The following PRG4 variants were observed in gnomAD, a reference collection of about 807,000 sequenced individuals.
PRG4 encodes articular superficial zone protein.
Under a neutral mutation model 91.2 loss-of-function variants are expected in PRG4, and 61 were observed. That is an observed-to-expected ratio of 0.67 (90% CI 0.54 to 0.83). The LOEUF (loss-of-function observed/expected upper bound fraction) is 0.83, where lower values mean the gene tolerates loss of function less well. Ranked by LOEUF, PRG4 falls within the 40% of genes least tolerant of loss-of-function variation. The pLI, the probability that PRG4 is intolerant of heterozygous loss-of-function variation, is 0.00. For synonymous variants in PRG4, 576 were observed against 614.2 expected, an observed-to-expected ratio of 0.94 and a Z score of 0.92; for missense variants, 1,564 against 1,714.2, an observed-to-expected ratio of 0.91 and a Z score of 1.55.
At chr1:186,299,842 G>A (rs1445305066) in intron 2 of PRG4, among the ~76,000 whole-genome samples, 1 of 152,044 alleles carries the variant, frequency 6.6e-6, no homozygotes, top group African/African-American at 2.4e-5. Context: ...CCCTCTTTAG[G>A]CAAAGCCATT....
In PRG4 at chr1:186,312,866, C is replaced by A; in HGVS notation, c.4089C>A (p.Asp1363Glu). 1 of 1,612,428 alleles carries A rather than the reference C, an allele frequency of 6.2e-7. No homozygotes were observed. Among genetic ancestry groups the A allele is most frequent in the South Asian group, 1.1e-5 (1 of 91,046 alleles). ...AISLPNIRKP[D>E]GYDYYAFSKD... ...CACTGCCCAACATCAGAAAACCTGA[C>A]GGCTATGATTACTATGCCTTTTCTA... is the stretch of plus-strand genomic sequence containing the variant. Residue 1363 changes from aspartate to glutamate, a missense_variant, in exon 12 of 13, where the codon GAC (aspartate) becomes GAA (glutamate). Around this residue, in one of 3 missense-constraint regions of PRG4, gnomAD observed 1,079 missense variants for 1,162.2 expected, o/e 0.93. Transcript: ENST00000445192.
intron 11 of PRG4, 142 bp from the exon 12 acceptor site, chr1:186,312,627 G>A: frequency 1.1e-6 from 1 of 921,164 alleles, no homozygotes; most frequent in Non-Finnish European, 1.7e-6. Flanking sequence ...TTCTTACCAA[G>A]AACATTATAT....
rs774149507 is a variant in PRG4, at chr1:186,308,057, G to A, written c.2338G>A (p.Gly780Arg). 1 of 1,602,590 alleles carries A rather than the reference G, an allele frequency of 6.2e-7. No individual in the cohort carries two copies. The highest frequency in any genetic ancestry group is 8.5e-7 in the Non-Finnish European group (1 of 1,177,070). The change falls in exon 7 of 13, where the codon GGG becomes AGG. Residue 780 changes from glycine to arginine, a missense_variant. By Grantham distance (125) the Gly-to-Arg change is moderately radical. Around this residue, in one of 3 missense-constraint regions of PRG4, gnomAD observed 1,079 missense variants for 1,162.2 expected, o/e 0.93. Transcript: ENST00000445192. ...GGAGCCTGCTCCAACTACCCCTAAGGGGACTGCTCCAACTACCCTCAAGGA... is the reference window on the plus strand; with the variant it reads ...GGAGCCTGCTCCAACTACCCCTAAGAGGACTGCTCCAACTACCCTCAAGGA... ...PKEPAPTTPK[G>R]TAPTTLKEPA...
chr1:186,309,153 A>C lies in PRG4; in HGVS notation c.3421+13A>C, dbSNP rs143148434. On this transcript the variant is annotated intron_variant, in intron 7 of 12. Transcript: ENST00000445192. Reference sequence around the variant, plus strand: ...CCCATGCTTTCCGGTATTAAGAATCAGTTATTTTCATTTTTAAAGCTGGTA... The same window carrying C: ...CCCATGCTTTCCGGTATTAAGAATCCGTTATTTTCATTTTTAAAGCTGGTA... 1.9e-6 allele frequency: 3 copies of C among 1,604,138 alleles called. No homozygotes were observed. The highest frequency in any genetic ancestry group is 2.6e-6 in the Non-Finnish European group (3 of 1,173,570).
intron 5 of PRG4, 142 bp downstream of exon 5, chr1:186,304,399 CT>C: frequency 9.8e-7 from 1 of 1,023,684 alleles, no homozygotes; most frequent in Non-Finnish European, 1.5e-6. Context: ...TTAGACTTTG[CT>C]TTTAAGTAAA....
Position 186,313,830 on chromosome 1 carries a change from G to C in PRG4, c.*52G>C, listed in dbSNP as rs768493341. On this transcript the variant is annotated 3_prime_UTR_variant, in exon 13 of 13. Transcript: ENST00000445192. Reference sequence around the variant, plus strand: ...AATGAAGAAATGAATAATAAATTTTGACACTGAAAAACATTTTATTAATAA... The same window carrying C: ...AATGAAGAAATGAATAATAAATTTTCACACTGAAAAACATTTTATTAATAA... 4 of 1,504,590 alleles carry C rather than the reference G, an allele frequency of 2.7e-6. No individual in the cohort carries two copies. Among genetic ancestry groups the C allele is most frequent in the Non-Finnish European group, 9.3e-7 (1 of 1,080,962 alleles). 93.2% of individuals were successfully genotyped at this position (1,504,590 alleles called of 1,614,324 possible). A position where few individuals can be genotyped will look rare whatever the true frequency, so the allele number is the denominator to read the frequency against.
rs192062878 is a variant in PRG4 at position 186,309,662 on chromosome 1, G to A, written c.3422-131G>A. Reference sequence around the variant, plus strand: ...TATCAAGTATATAACTATGCAAACAGGTCAAACTGTGTCCTTCAAGATCTT... The same window carrying A: ...TATCAAGTATATAACTATGCAAACAAGTCAAACTGTGTCCTTCAAGATCTT... On this transcript the variant is annotated intron_variant, in intron 7 of 12. Transcript: ENST00000445192. The A allele has an allele frequency of 9.6e-4, 689 of 719,798 alleles. 10 individuals are homozygous for A. In the Admixed American group the frequency reaches 0.013, roughly 13 times the overall value. The allele number at this position is 719,798 out of a possible 1,614,324, so 44.6% of individuals were successfully genotyped here.
Position 186,313,825 on chromosome 1 carries a change from A to C in PRG4, c.*47A>C. On this transcript the variant is annotated 3_prime_UTR_variant, in exon 13 of 13. Coordinates refer to ENST00000445192, the MANE Select transcript of PRG4 (RefSeq NM_005807.6). Reference sequence around the variant, plus strand: ...CAACTAATGAAGAAATGAATAATAAATTTTGACACTGAAAAACATTTTATT... The same window carrying C: ...CAACTAATGAAGAAATGAATAATAACTTTTGACACTGAAAAACATTTTATT... The C allele has an allele frequency of 6.6e-7, 1 of 1,510,368 alleles. No individual in the cohort carries two copies. Among genetic ancestry groups the C allele is most frequent in the Non-Finnish European group, 9.2e-7 (1 of 1,085,946 alleles). The allele number at this position is 1,510,368 out of a possible 1,614,324, so 93.6% of individuals were successfully genotyped here.
At position 186,313,810 on chromosome 1, in the gene PRG4, A is replaced by G. The variant is rs747051984; in HGVS notation, c.*32A>G. On this transcript the variant is annotated 3_prime_UTR_variant, in exon 13 of 13. Coordinates refer to ENST00000445192, the MANE Select transcript of PRG4 (RefSeq NM_005807.6). ...GAGCAAAGGAGGAGTCAACTAATGA[A>G]GAAATGAATAATAAATTTTGACACT... The G allele has an allele frequency of 4.6e-6, 7 of 1,532,832 alleles. No individual in the cohort carries two copies. In the African/African-American group the frequency reaches 9.6e-5, roughly 21 times the overall value. 95.0% of individuals were successfully genotyped at this position (1,532,832 alleles called of 1,614,324 possible). A position where few individuals can be genotyped will look rare whatever the true frequency, so the allele number is the denominator to read the frequency against.
Position 186,308,240 on chromosome 1 carries a change from A to C in PRG4, c.2521A>C (p.Lys841Gln), listed in dbSNP as rs1177214769. 1 of 1,612,010 alleles carries C rather than the reference A, an allele frequency of 6.2e-7. No individual in the cohort carries two copies. The change falls in exon 7 of 13, where the codon AAG becomes CAG. Residue 841 changes from lysine (K) to glutamine (Q), a missense_variant. Physicochemically the swap from Lys to Gln is moderately conservative, Grantham distance 53 (BLOSUM62 1). Transcript: ENST00000445192. ...GGAGCCTGCACCCACTACCCCCAAG[A>C]AGCCTGCTCCAACTACTCCTGAGAC... The part of the protein sequence containing the change: ...PKEPAPTTPK[K>Q]PAPTTPETPP...
At position 186,307,193 on chromosome 1, in the gene PRG4, C is replaced by T. The variant is rs1284056649; in HGVS notation, c.1474C>T (p.Pro492Ser). The T allele has an allele frequency of 6.3e-7, 1 of 1,581,670 alleles. No individual in the cohort carries two copies. ...PAPTAPKKPAPTTPKEPAPTT... is the reference protein window; with the variant it reads ...PAPTAPKKPASTTPKEPAPTT... ...ACCCACTGCCCCCAAGAAGCCTGCCCCAACTACCCCCAAGGAGCCTGCACC... is the reference window on the plus strand; with the variant it reads ...ACCCACTGCCCCCAAGAAGCCTGCCTCAACTACCCCCAAGGAGCCTGCACC... The change falls in exon 7 of 13, where the codon CCA (proline) becomes TCA (serine). Residue 492 changes from proline (P) to serine (S), a missense_variant. Physicochemically the swap from Pro to Ser is moderately conservative, Grantham distance 74 (BLOSUM62 -1). This residue lies in a region of PRG4 where 1,079 missense variants were observed against 1,162.2 expected (regional missense o/e 0.93). Transcript: ENST00000445192.
intron 3 of PRG4, among the ~76,000 whole-genome samples, 181 bp from the exon 4 acceptor site, chr1:186,301,411 G>A (rs1157758837): frequency 1.3e-5 from 2 of 151,984 alleles, no homozygotes; most frequent in African/African-American, 2.4e-5. Context: ...TTTTGACTTG[G>A]GCTGTCTCCA....
rs760125788 is a variant in PRG4 at position 186,306,598 on chromosome 1, TAAAC to T, written c.881_884del (p.Lys294ArgfsTer19). ...AAACTAAAGAAACTACTACAACAAA[TAAAC>T]AGACTTCAACTGATGGAAAAGAGAA... On this transcript the variant is annotated frameshift_variant, in exon 7 of 13. Transcript: ENST00000445192. LOFTEE classifies it high-confidence loss of function. 6.2e-7 allele frequency: 1 copy of T among 1,613,288 alleles called. No homozygotes were observed. Among genetic ancestry groups the T allele is most frequent in the Non-Finnish European group, 8.5e-7 (1 of 1,179,610 alleles).
In PRG4 at chr1:186,300,097, C is replaced by T; in HGVS notation, c.83C>T (p.Ser28Leu). The T allele has an allele frequency of 6.2e-7, 1 of 1,613,970 alleles. No individual in the cohort carries two copies. The highest frequency in any genetic ancestry group is 8.5e-7 in the Non-Finnish European group (1 of 1,179,832). ...VIQQVSSQDL[S>L]SCAGRCGEGY... The stretch of plus-strand genomic sequence containing the variant: ...CAGTATTGTATAATTTTAGATTTAT[C>T]AAGCTGTGCAGGGAGATGTGGGGAA... The change falls in exon 3 of 13, where the codon TCA becomes TTA. Residue 28 changes from serine to leucine, a missense_variant. Transcript: ENST00000445192.
chr1:186,307,856 G>A lies in PRG4; in HGVS notation c.2137G>A (p.Ala713Thr). 1.9e-6 allele frequency: 3 copies of A among 1,602,580 alleles called. No homozygotes were observed. Among genetic ancestry groups the A allele is most frequent in the Non-Finnish European group, 2.6e-6 (3 of 1,176,364 alleles). ...ETAPTTPKGT[A>T]PTTLKEPAPT... is the part of the protein sequence containing the mutation. ...TGCTCCAACTACCCCTAAAGGGACT[G>A]CTCCAACTACCCTCAAGGAACCTGC... The change falls in exon 7 of 13, where the codon GCT becomes ACT. Residue 713 changes from alanine (A) to threonine (T), a missense_variant. Physicochemically the swap from Ala to Thr is moderately conservative, Grantham distance 58. Around this residue, in one of 3 missense-constraint regions of PRG4, gnomAD observed 1,079 missense variants for 1,162.2 expected, o/e 0.93. Coordinates refer to ENST00000445192, the MANE Select transcript of PRG4 (RefSeq NM_005807.6).
At chr1:186,305,424 T>C (rs534798544) in intron 6 of PRG4, among the ~76,000 whole-genome samples, 1 of 152,362 alleles carries the variant, frequency 6.6e-6, no homozygotes, top group South Asian at 2.1e-4. Context: ...TATATCTGGC[T>C]GACTTTTCCT....
At chr1:186,313,584 T>G (rs964207755) in intron 12 of PRG4, 97 bp from the exon 13 acceptor site, 1 of 769,854 alleles carries the variant, frequency 1.3e-6, no homozygotes, top group Non-Finnish European at 2.3e-6. Context: ...ATTAAAATGA[T>G]AAACATTGTC....
Position 186,307,726 on chromosome 1 carries a change from C to T in PRG4, c.2007C>T (p.Pro669=), listed in dbSNP as rs150770394. 2.5e-5 allele frequency: 41 copies of T among 1,608,410 alleles called. No individual in the cohort carries two copies. The highest frequency in any genetic ancestry group is 3.4e-5 in the Non-Finnish European group (40 of 1,178,438). Residue 669 remains proline (P), a synonymous_variant, in exon 7 of 13, where the codon CCC becomes CCT. Transcript: ENST00000445192. ...CTGAGGAGCCTGCTCCCACCACTCCCAAGGCAGCGGCTCCCAACACCCCTA... is the reference window on the plus strand; with the variant it reads ...CTGAGGAGCCTGCTCCCACCACTCCTAAGGCAGCGGCTCCCAACACCCCTA... ...TTPEEPAPTT[P]KAAAPNTPKE... is the part of the protein sequence containing the mutation.
intron 8 of PRG4, among the ~76,000 whole-genome samples, chr1:186,310,135 T>TAG (rs1553225130): frequency 1.2e-5 from 1 of 86,290 alleles, no homozygotes; most frequent in Non-Finnish European, 2.4e-5. Context: ...TCATTTTTTT[T>TAG]GGGGGGGGGG....
Sources: gnomAD v4.1 joint callset for allele counts (sites outside exome capture counted in the v4.1 genomes callset) on GRCh38, gnomAD v4.1.1 for gene constraint, gnomAD v4.1.1 regional missense constraint, MANE v1.5 for transcripts, NCBI Gene and HGNC (gene_info 2026-07-23, HGNC 2026-07-21) for gene names.